COMMD1: variants seen among roughly 807,000 people sequenced by gnomAD.
The protein encoded by COMMD1 is copper metabolism domain containing 1.
COMMD1 carries 10 observed loss-of-function variants against 17.2 expected under a neutral mutation model. The observed-to-expected ratio is 0.58, with a 90% CI of 0.36 to 0.99. The LOEUF (loss-of-function observed/expected upper bound fraction) is 0.99, where lower values mean the gene tolerates loss of function less well. Among genes scored for constraint, COMMD1 ranks in the 50% least tolerant of loss-of-function variants. The probability of loss-of-function intolerance (pLI) is 0.01; values close to 1 mark genes in which losing one functional copy is unlikely to be tolerated. For missense variants in COMMD1, 270 were observed against 231.8 expected, an observed-to-expected ratio of 1.17 and a Z score of -1.07; for synonymous variants, 97 against 91.6, an observed-to-expected ratio of 1.06 and a Z score of -0.34.
chr2:62,070,800 C>A (rs1015628932), intron 2 of COMMD1, among the ~76,000 whole-genome samples: 1 of 152,102 alleles, frequency 6.6e-6, no homozygotes, highest in African/African-American at 2.4e-5. Context: ...GAGGCCAAGG[C>A]GTGCAGATCA....
intron 2 of COMMD1, among the ~76,000 whole-genome samples, chr2:62,088,127 C>G (rs1671721476): frequency 6.6e-6 from 1 of 152,262 alleles, no homozygotes; most frequent in East Asian, 1.9e-4. Context: ...CTCCTGTTTC[C>G]TCTTCCTTTC....
chr2:62,059,984 G>A (rs1207858373), intron 2 of COMMD1, among the ~76,000 whole-genome samples: 1 of 151,972 alleles, frequency 6.6e-6, no homozygotes, highest in Admixed American at 6.6e-5. Flanking sequence ...TGGGTTTTTA[G>A]CTACATCTTT....
At chr2:61,977,473 A>G (rs1181245678) in intron 1 of COMMD1, among the ~76,000 whole-genome samples, 1 of 145,868 alleles carries the variant, frequency 6.9e-6, no homozygotes, top group Non-Finnish European at 1.5e-5. Context: ...CGAACTCCCA[A>G]CCTCAGGTGA....
At chr2:61,933,596 G>A (rs539578373) in intron 1 of COMMD1, among the ~76,000 whole-genome samples, 18 of 152,010 alleles carry the variant, frequency 1.2e-4, no homozygotes, top group South Asian at 6.2e-4. Context: ...TTTCCCACAC[G>A]TGATACCCTC....
At chr2:61,953,395 G>T (rs1671110496) in intron 1 of COMMD1, among the ~76,000 whole-genome samples, 1 of 143,568 alleles carries the variant, frequency 7.0e-6, no homozygotes, top group East Asian at 2.0e-4. Context: ...TTGAGACTGA[G>T]TCTCATTCTG....
At chr2:62,085,563 C>T (rs543509714) in intron 2 of COMMD1, among the ~76,000 whole-genome samples, 4 of 152,200 alleles carry the variant, frequency 2.6e-5, no homozygotes, top group African/African-American at 9.6e-5. Context: ...CATGGCTGGG[C>T]ATGGTGGCTC....
intron 2 of COMMD1, among the ~76,000 whole-genome samples, chr2:62,109,892 A>G (rs1672409893): frequency 6.6e-6 from 1 of 150,576 alleles, no homozygotes; most frequent in South Asian, 2.1e-4. Flanking sequence ...TCATGACATG[A>G]AAAGTATTAA....
In COMMD1 at chr2:62,042,570, G is replaced by A. The variant is rs958724563; in HGVS notation, c.462+41588G>A. On this transcript the variant is annotated intron_variant, in intron 2 of 2. Transcript: ENST00000311832. The stretch of plus-strand genomic sequence containing the variant: ...CCGTGCCCACCCGGAACCCGCGAGC[G>A]CCGAGCGCAGCCCCGGCTCCCGCCC... 1.6e-4 allele frequency among the ~76,000 whole-genome samples: 24 copies of A among 152,194 alleles called. No individual in the cohort carries two copies. In the East Asian group the frequency reaches 2.3e-3, roughly 15 times the overall value.
At chr2:61,894,024 G>A (rs1285891169) in intron 1 of COMMD1, among the ~76,000 whole-genome samples, 1 of 152,104 alleles carries the variant, frequency 6.6e-6, no homozygotes, top group East Asian at 1.9e-4. Context: ...TTGTGCCTGT[G>A]ACTAGCCATT....
chr2:62,079,949 T>C (rs1332818437), intron 2 of COMMD1: 2 of 152,210 alleles, frequency 1.3e-5, no homozygotes, highest in Admixed American at 6.5e-5. Flanking sequence ...TCTCTGAATA[T>C]AATCTTTCCA....
intron 1 of COMMD1, among the ~76,000 whole-genome samples, chr2:61,927,517 C>T (rs568517704): frequency 8.6e-5 from 13 of 151,886 alleles, no homozygotes; most frequent in East Asian, 3.9e-4. Flanking sequence ...CTCAGCCTTG[C>T]GAGTAGCTGG....
intron 2 of COMMD1, among the ~76,000 whole-genome samples, chr2:62,034,376 T>C (rs926484357): frequency 1.3e-5 from 2 of 152,072 alleles, no homozygotes; most frequent in African/African-American, 4.8e-5. Context: ...GGCAGGCACC[T>C]GTAATCCCAG....
At chr2:61,978,805 T>C (rs572681255) in intron 1 of COMMD1, among the ~76,000 whole-genome samples, 1 of 152,274 alleles carries the variant, frequency 6.6e-6, no homozygotes, top group Admixed American at 6.5e-5. Context: ...AGTTGTCAGT[T>C]TCCTAAGACT....
chr2:61,915,149 G>C (rs534971767), intron 1 of COMMD1, among the ~76,000 whole-genome samples: 1 of 152,026 alleles, frequency 6.6e-6, no homozygotes, highest in East Asian at 1.9e-4. Context: ...GGGATTACAG[G>C]TGTGCACCAC....
chr2:62,127,313 A>G (rs1324823490), intron 2 of COMMD1, among the ~76,000 whole-genome samples: 2 of 152,260 alleles, frequency 1.3e-5, no homozygotes, highest in East Asian at 3.8e-4. Context: ...AAAGTAATTT[A>G]TAGATTCAGT....
At chr2:62,099,834 C>T (rs890974898) in intron 2 of COMMD1, among the ~76,000 whole-genome samples, 10 of 152,080 alleles carry the variant, frequency 6.6e-5, no homozygotes, top group Admixed American at 2.6e-4. Context: ...CTGCATGTTG[C>T]GGAGAGTCAA....
chr2:61,947,868 C>T (rs1171047555), intron 1 of COMMD1, among the ~76,000 whole-genome samples: 1 of 147,270 alleles, frequency 6.8e-6, no homozygotes, highest in Non-Finnish European at 1.5e-5. Context: ...ACTTTTAAGA[C>T]TTATGAAACA....
At chr2:62,130,011 T>TA (rs1376759691) in intron 2 of COMMD1, among the ~76,000 whole-genome samples, 1 of 152,048 alleles carries the variant, frequency 6.6e-6, no homozygotes, top group East Asian at 1.9e-4. Flanking sequence ...CCTTCTCTAC[T>TA]AAAAATATAA....
At chr2:62,078,794 G>A (rs563724526) in intron 2 of COMMD1, among the ~76,000 whole-genome samples, 4 of 151,338 alleles carry the variant, frequency 2.6e-5, no homozygotes, top group African/African-American at 4.9e-5. Context: ...GGAGAATGGC[G>A]TGAACCCGGG....
Sources: gnomAD v4.1 joint callset for allele counts (sites outside exome capture counted in the v4.1 genomes callset) on GRCh38, gnomAD v4.1.1 for gene constraint, MANE v1.5 for transcripts, NCBI Gene and HGNC (gene_info 2026-07-23, HGNC 2026-07-21) for gene names.